Variants in GRM8 observed in about 807,000 individuals in gnomAD.
GRM8 encodes the protein glutamate metabotropic receptor 8, also known as metabotropic glutamate receptor 8.
A neutral mutation model predicts 87.2 loss-of-function variants in GRM8; 47 were observed. The ratio of observed to expected loss-of-function variants is 0.54; its 90% CI spans 0.43 to 0.69. The LOEUF is 0.69. Among genes scored for constraint, GRM8 ranks in the 30% least tolerant of loss-of-function variants. GRM8 has a pLI of 0.00. For synonymous variants in GRM8, 396 were observed against 404.5 expected, an observed-to-expected ratio of 0.98 and a Z score of 0.25; for missense variants, 1,019 against 1,139.2, an observed-to-expected ratio of 0.89 and a Z score of 1.52.
chr7:126,956,459 A>C (rs1465909237), intron 3 of GRM8, among the ~76,000 whole-genome samples: 1 of 152,232 alleles, frequency 6.6e-6, no homozygotes, highest in Non-Finnish European at 1.5e-5. Context: ...AATAAATGCT[A>C]AGTTTCAATT....
chr7:126,541,054 A>G (rs903484120), intron 8 of GRM8, among the ~76,000 whole-genome samples: 3 of 152,236 alleles, frequency 2.0e-5, no homozygotes, highest in African/African-American at 7.2e-5. Context: ...ACAAAGTTCA[A>G]TGTGAGAATT....
chr7:126,460,582 T>C (rs1026830094), intron 9 of GRM8, among the ~76,000 whole-genome samples: 3 of 151,528 alleles, frequency 2.0e-5, no homozygotes, highest in Admixed American at 6.6e-5. Flanking sequence ...AGCTCTGTGA[T>C]GTAAAAGAGA....
intron 2 of GRM8, among the ~76,000 whole-genome samples, chr7:127,117,537 G>A (rs1317008301): frequency 2.0e-5 from 3 of 152,182 alleles, no homozygotes; most frequent in Non-Finnish European, 2.9e-5. Context: ...AAAATTAGGG[G>A]AAGTTTTGAA....
chr7:126,605,768 C>T (rs535363282), intron 8 of GRM8, among the ~76,000 whole-genome samples: 32 of 152,170 alleles, frequency 2.1e-4, no homozygotes, highest in South Asian at 1.2e-3. Context: ...AGTAAATCCT[C>T]CTGTCAGTAT....
At chr7:126,633,698 CA>C (rs1333137257) in intron 7 of GRM8, among the ~76,000 whole-genome samples, 2 of 151,762 alleles carry the variant, frequency 1.3e-5, no homozygotes, top group Non-Finnish European at 1.5e-5. Context: ...TCCAAAAATA[CA>C]ATTTTTTGTA....
At chr7:126,731,814 GAT>G (rs751132593) in intron 7 of GRM8, among the ~76,000 whole-genome samples, 1 of 151,760 alleles carries the variant, frequency 6.6e-6, no homozygotes, top group Non-Finnish European at 1.5e-5. Flanking sequence ...CATTTTCTAT[GAT>G]GTCTAATAAA....
chr7:126,683,145 G>A (rs1437084652), intron 7 of GRM8, among the ~76,000 whole-genome samples: 4 of 152,152 alleles, frequency 2.6e-5, no homozygotes, highest in African/African-American at 9.7e-5. Context: ...GTGAAGGAAA[G>A]GCAGGGAAAC....
At chr7:127,039,441 AT>A (rs1403428857) in intron 3 of GRM8, among the ~76,000 whole-genome samples, 15 of 151,962 alleles carry the variant, frequency 9.9e-5, no homozygotes. Context: ...AACATCCAGA[AT>A]TTTGGGAAAA....
chr7:127,062,579 G>A (rs1820718719), intron 3 of GRM8, among the ~76,000 whole-genome samples: 1 of 152,178 alleles, frequency 6.6e-6, no homozygotes, highest in African/African-American at 2.4e-5. Flanking sequence ...AAGAAATACT[G>A]TAGGAATGGT....
intron 3 of GRM8, among the ~76,000 whole-genome samples, chr7:127,002,075 C>T (rs1813784059): frequency 6.6e-6 from 1 of 151,374 alleles, no homozygotes. Flanking sequence ...GCAGAAAGAA[C>T]ATTTTTGGAT....
intron 2 of GRM8, among the ~76,000 whole-genome samples, chr7:127,220,391 C>T (rs970191671): frequency 6.6e-6 from 1 of 152,148 alleles, no homozygotes; most frequent in African/African-American, 2.4e-5. Context: ...CTTTAATAAG[C>T]CTTCCATCTA....
At chr7:126,646,960 A>C (rs926463657) in intron 7 of GRM8, among the ~76,000 whole-genome samples, 1 of 152,004 alleles carries the variant, frequency 6.6e-6, no homozygotes, top group African/African-American at 2.4e-5. Flanking sequence ...TGCTATATTT[A>C]CTTTGAGCCA....
chr7:126,621,751 C>T (rs192729878), intron 7 of GRM8, among the ~76,000 whole-genome samples: 9 of 151,962 alleles, frequency 5.9e-5, no homozygotes, highest in South Asian at 2.1e-4. Flanking sequence ...AAATCATTCA[C>T]GCATCTTGAC....
chr7:126,732,576 T>C (rs2151485599), intron 7 of GRM8, among the ~76,000 whole-genome samples: 1 of 152,230 alleles, frequency 6.6e-6, no homozygotes, highest in South Asian at 2.1e-4. Context: ...AATGTGAATA[T>C]GGCGTATAGA....
chr7:126,602,420 T>TA (rs1389373273), intron 8 of GRM8, among the ~76,000 whole-genome samples: 2 of 107,678 alleles, frequency 1.9e-5, no homozygotes, highest in Admixed American at 1.9e-4. Context: ...ATGCGGGCTC[T>TA]TTTTCGGTTC....
At chr7:126,763,923 G>A (rs1050775726) in intron 7 of GRM8, among the ~76,000 whole-genome samples, 1 of 151,824 alleles carries the variant, frequency 6.6e-6, no homozygotes, top group African/African-American at 2.4e-5. Flanking sequence ...TATGTTGTAT[G>A]TCTCTCAGTA....
At chr7:127,239,416 A>G (rs1296216825) in intron 2 of GRM8, among the ~76,000 whole-genome samples, 1 of 152,158 alleles carries the variant, frequency 6.6e-6, no homozygotes, top group Non-Finnish European at 1.5e-5. Context: ...CTTTAACTCC[A>G]TTATCTGGGA....
At chr7:126,663,559 G>A (rs1214518608) in intron 7 of GRM8, among the ~76,000 whole-genome samples, 1 of 152,160 alleles carries the variant, frequency 6.6e-6, no homozygotes, top group Non-Finnish European at 1.5e-5. Context: ...CATTTCAATA[G>A]ATGCAGAAAA....
intron 3 of GRM8, among the ~76,000 whole-genome samples, chr7:126,964,692 T>G (rs1305276738): frequency 2.0e-5 from 3 of 152,142 alleles, no homozygotes; most frequent in African/African-American, 7.2e-5. Context: ...GAAATAGGAA[T>G]GCTTTTACCC....
Sources: allele counts gnomAD v4.1 joint callset (sites outside exome capture counted in the v4.1 genomes callset), GRCh38; gene constraint gnomAD v4.1.1; transcripts MANE v1.5; gene names NCBI Gene and HGNC (gene_info 2026-07-23, HGNC 2026-07-21).